The following GALC variants were observed in gnomAD, a reference collection of about 807,000 sequenced individuals.
GALC encodes the protein galactosylceramidase.
Under a neutral mutation model 91.8 loss-of-function variants are expected in GALC, and 77 were observed. The ratio of observed to expected loss-of-function variants is 0.84; its 90% CI spans 0.70 to 1.01. The LOEUF (loss-of-function observed/expected upper bound fraction) is 1.01. Ranked by LOEUF, GALC falls within the 50% of genes least tolerant of loss-of-function variation. GALC has a pLI of 0.00. For synonymous variants in GALC, 357 were observed against 306.7 expected, an observed-to-expected ratio of 1.16 and a Z score of -1.71; for missense variants, 882 against 855.9, an observed-to-expected ratio of 1.03 and a Z score of -0.38.
At chr14:87,969,874 G>A (rs1566994766) in intron 7 of GALC, among the ~76,000 whole-genome samples, 1 of 152,022 alleles carries the variant, frequency 6.6e-6, no homozygotes, top group Non-Finnish European at 1.5e-5. Flanking sequence ...ATATATACTG[G>A]AGAACATAAA....
At chr14:87,950,593 T>A in intron 11 of GALC, 66 bp downstream of exon 11, 1 of 987,666 alleles carries the variant, frequency 1.0e-6, no homozygotes, top group Non-Finnish European at 1.6e-6. Context: ...TAAGAACTAC[T>A]GGCCTGTGAC....
chr14:87,977,358 T>C (rs1223040357), intron 6 of GALC, among the ~76,000 whole-genome samples: 2 of 152,186 alleles, frequency 1.3e-5, no homozygotes, highest in East Asian at 1.9e-4. Flanking sequence ...CTCAGTACTA[T>C]GCTTGGGCCC....
chr14:87,986,661 A>G (rs1886988439), intron 3 of GALC, 59 bp from the exon 4 acceptor site: 5 of 1,007,268 alleles, frequency 5.0e-6, no homozygotes, highest in Admixed American at 1.8e-5. Context: ...TCCTAGGACC[A>G]TCTCACTCCC....
intron 6 of GALC, among the ~76,000 whole-genome samples, chr14:87,981,785 C>T (rs1886758617): frequency 6.6e-6 from 1 of 152,006 alleles, no homozygotes. Flanking sequence ...CAAAGAGAAA[C>T]ATGTACTATA....
At chr14:87,947,354 C>T (rs751600636) in intron 13 of GALC, among the ~76,000 whole-genome samples, 1 of 151,900 alleles carries the variant, frequency 6.6e-6, no homozygotes, top group Non-Finnish European at 1.5e-5. Context: ...GCACTCAGTT[C>T]ACTAGCACTG....
At chr14:87,989,108 A>G (rs1026184090) in intron 1 of GALC, among the ~76,000 whole-genome samples, 20 of 152,224 alleles carry the variant, frequency 1.3e-4, no homozygotes, top group African/African-American at 4.8e-4. Context: ...ACCACGGCAT[A>G]CAACTATTTG....
intron 3 of GALC, chr14:87,987,865 C>T (rs1887037664): frequency 2.4e-6 from 1 of 417,560 alleles, no homozygotes; most frequent in East Asian, 4.4e-5. Flanking sequence ...TATGCTCTGT[C>T]CTGTATATAT....
intron 10 of GALC, among the ~76,000 whole-genome samples, chr14:87,962,370 A>G (rs1377817035): frequency 6.6e-6 from 1 of 151,966 alleles, no homozygotes; most frequent in Non-Finnish European, 1.5e-5. Flanking sequence ...GATCCTCTTC[A>G]TCCACGATAA....
chr14:87,988,656 A>AGC, intron 1 of GALC, 133 bp from the exon 2 acceptor site: 1 of 744,152 alleles, frequency 1.3e-6, no homozygotes, highest in East Asian at 2.5e-5. Context: ...AAAGTTCCTC[A>AGC]CAAGTTGTCT....
chr14:87,973,325 T>C (rs1886371041), intron 7 of GALC, among the ~76,000 whole-genome samples: 1 of 152,136 alleles, frequency 6.6e-6, no homozygotes, highest in African/African-American at 2.4e-5. Context: ...GACTTGAAGG[T>C]GAGCATTTAA....
Position 87,950,733 on chromosome 14 carries a change from T to C in GALC, c.1177A>G (p.Lys393Glu), listed in dbSNP as rs1266642476. The C allele has an allele frequency of 1.9e-6, 3 of 1,576,802 alleles. No individual in the cohort carries two copies. Among genetic ancestry groups the C allele is most frequent in the Non-Finnish European group, 1.7e-6 (2 of 1,164,118 alleles). Reference sequence around the variant, plus strand: ...TAAGGAAGAAATGGCCGTATGCACTTAGAATGTTTATGACTCTGAAAAAAA... The same window carrying C: ...TAAGGAAGAAATGGCCGTATGCACTCAGAATGTTTATGACTCTGAAAAAAA... ...IIETMSHKHSKCIRPFLPYFN... is the reference protein window; with the variant it reads ...IIETMSHKHSECIRPFLPYFN... The change falls in exon 11 of 17, where the codon AAG becomes GAG. Residue 393 changes from lysine (K) to glutamate (E), a missense_variant. Lys to Glu is a moderately conservative substitution (Grantham distance 56, BLOSUM62 1). Coordinates refer to ENST00000261304, the MANE Select transcript of GALC (RefSeq NM_000153.4).
At chr14:87,942,650 G>T (rs2139944201) in intron 14 of GALC, among the ~76,000 whole-genome samples, 1 of 152,106 alleles carries the variant, frequency 6.6e-6, no homozygotes, top group Admixed American at 6.6e-5. Context: ...AAATGGGCTG[G>T]GGGGAATGAG....
chr14:87,986,806 A>G (rs1432662879), intron 3 of GALC, among the ~76,000 whole-genome samples: 2 of 152,118 alleles, frequency 1.3e-5, no homozygotes, highest in Admixed American at 6.6e-5. Flanking sequence ...TATTATCTTA[A>G]GCATTGTAAA....
chr14:87,953,194 A>T, intron 10 of GALC: 1 of 1,498,526 alleles, frequency 6.7e-7, no homozygotes. Flanking sequence ...CTCAGACCTT[A>T]AAATGTCAAC....
chr14:87,939,631 T>C (rs889802918), intron 16 of GALC, among the ~76,000 whole-genome samples: 1 of 151,888 alleles, frequency 6.6e-6, no homozygotes, highest in Non-Finnish European at 1.5e-5. Flanking sequence ...ATAGTTCAAT[T>C]ATTGACTCTA....
chr14:87,966,554 G>A (rs1265046112), intron 8 of GALC, among the ~76,000 whole-genome samples: 2 of 152,122 alleles, frequency 1.3e-5, no homozygotes, highest in African/African-American at 4.8e-5. Context: ...AATTCTATCA[G>A]TACAAAGTAG....
At chr14:87,953,765 G>C in intron 10 of GALC, 1 of 1,603,958 alleles carries the variant, frequency 6.2e-7, no homozygotes, top group Non-Finnish European at 8.5e-7. Flanking sequence ...GAATTTAAGG[G>C]TATTAAAAAA....
chr14:87,949,314 T>C (rs188406662), intron 12 of GALC, among the ~76,000 whole-genome samples: 3 of 152,126 alleles, frequency 2.0e-5, no homozygotes, highest in Admixed American at 1.3e-4. Flanking sequence ...TTCTACCTTC[T>C]GGGAGGATAA....
intron 8 of GALC, among the ~76,000 whole-genome samples, chr14:87,966,091 C>T (rs553255257): frequency 6.6e-6 from 1 of 152,258 alleles, no homozygotes; most frequent in Admixed American, 6.5e-5. Context: ...TTATTGGAGT[C>T]AGACTGCCTG....
Sources: gnomAD v4.1 joint callset for allele counts (sites outside exome capture counted in the v4.1 genomes callset) on GRCh38, gnomAD v4.1.1 for gene constraint, MANE v1.5 for transcripts, NCBI Gene and HGNC (gene_info 2026-07-23, HGNC 2026-07-21) for gene names.